MAPK10: variants seen among roughly 807,000 people sequenced by gnomAD.
MAPK10 encodes JNK3 alpha protein kinase.
MAPK10 carries 25 observed loss-of-function variants against 59.3 expected under a neutral mutation model. The observed-to-expected ratio is 0.42, with a 90% CI of 0.31 to 0.59. The LOEUF is 0.59. MAPK10 is among the 20% of genes least tolerant of loss of function. MAPK10 has a pLI of 0.15. For missense variants in MAPK10, 351 were observed against 568.9 expected (o/e 0.62, Z 3.90); for synonymous variants, 190 against 200.5 (o/e 0.95, Z 0.44).
chr4:86,171,926 C>T (rs1181385369), intron 3 of MAPK10, among the ~76,000 whole-genome samples: 1 of 150,846 alleles, frequency 6.6e-6, no homozygotes, highest in Non-Finnish European at 1.5e-5. Flanking sequence ...TATGAACAGA[C>T]ACTTCTCAAA....
chr4:86,402,682 T>C (rs773205518), intron 1 of MAPK10, among the ~76,000 whole-genome samples: 1 of 152,112 alleles, frequency 6.6e-6, no homozygotes, highest in Non-Finnish European at 1.5e-5. Context: ...GATTGAGGTA[T>C]AAGCCTGACC....
At chr4:86,058,881 T>A (rs1039138060) in intron 11 of MAPK10, among the ~76,000 whole-genome samples, 11 of 152,110 alleles carry the variant, frequency 7.2e-5, no homozygotes, top group African/African-American at 2.7e-4. Context: ...GGCTTCTGAT[T>A]CCCTTCTCTC....
At chr4:86,442,450 G>A (rs1419301411) in intron 1 of MAPK10, among the ~76,000 whole-genome samples, 1 of 152,100 alleles carries the variant, frequency 6.6e-6, no homozygotes, top group Non-Finnish European at 1.5e-5. Context: ...TACTCACCAG[G>A]TATTAGTACT....
chr4:86,257,529 A>G (rs1253905325), intron 2 of MAPK10, among the ~76,000 whole-genome samples: 1 of 152,144 alleles, frequency 6.6e-6, no homozygotes, highest in Non-Finnish European at 1.5e-5. Flanking sequence ...TTCAACAATA[A>G]CTTCATACCT....
In MAPK10 at chr4:86,067,885, T is replaced by C. The variant is rs2047049646; in HGVS notation, c.873A>G (p.Gln291=). 1 of 1,613,744 alleles carries C rather than the reference T, an allele frequency of 6.2e-7. No individual in the cohort carries two copies. Among genetic ancestry groups the C allele is most frequent in the Non-Finnish European group, 8.5e-7 (1 of 1,179,758 alleles). ...TPCPEFMKKL[Q]PTVRNYVENR... is the part of the protein sequence containing the mutation. ...TCTCCACATAGTTTCTTACTGTGGG[T>C]TGCAATTTCTTCATGAATTCTGGAC... The change falls in exon 10 of 14, where the codon CAA becomes CAG. Residue 291 remains glutamine, a synonymous_variant. Coordinates refer to ENST00000641462, the MANE Select transcript of MAPK10 (RefSeq NM_138982.4).
intron 1 of MAPK10, among the ~76,000 whole-genome samples, chr4:86,552,647 G>T (rs979099550): frequency 1.3e-5 from 2 of 152,158 alleles, no homozygotes; most frequent in Non-Finnish European, 2.9e-5. Context: ...TGCACATTGT[G>T]TGAGAAGTAC....
chr4:86,248,589 AC>A (rs1321865743), intron 2 of MAPK10, among the ~76,000 whole-genome samples: 4 of 152,216 alleles, frequency 2.6e-5, no homozygotes, highest in African/African-American at 7.2e-5. Context: ...TTTTTATGAT[AC>A]CACAAGGAAG....
At chr4:86,206,111 T>C (rs931576296) in intron 2 of MAPK10, among the ~76,000 whole-genome samples, 1 of 151,954 alleles carries the variant, frequency 6.6e-6, no homozygotes, top group African/African-American at 2.4e-5. Flanking sequence ...TAGTTACATA[T>C]GTATACATGT....
chr4:86,241,718 G>A (rs2092732761), intron 2 of MAPK10, among the ~76,000 whole-genome samples: 2 of 152,138 alleles, frequency 1.3e-5, no homozygotes, highest in Non-Finnish European at 1.5e-5. Context: ...ATTCTAATTA[G>A]CAATTCCTCT....
chr4:86,089,145 G>A, intron 9 of MAPK10: 1 of 1,298,030 alleles, frequency 7.7e-7, no homozygotes, highest in Non-Finnish European at 1.1e-6. Flanking sequence ...CTGCATTTGA[G>A]ACAAAAGGGA....
chr4:86,184,354 A>G lies in MAPK10; in HGVS notation c.66+9982T>C, dbSNP rs373634067. On this transcript the variant is annotated intron_variant, in intron 3 of 13. Coordinates refer to ENST00000641462, the MANE Select transcript of MAPK10 (RefSeq NM_138982.4). ...GGCTAAGGAAATAGCTCACAGTCAT[A>G]CAGCTTGCAAGTGCTAGGGCCCAGA... is the stretch of plus-strand genomic sequence containing the variant. Among the ~76,000 whole-genome samples, 17 of 152,152 alleles carry G rather than the reference A, an allele frequency of 1.1e-4. No individual in the cohort carries two copies. In the East Asian group the frequency reaches 1.2e-3, roughly 10 times the overall value.
intron 11 of MAPK10, among the ~76,000 whole-genome samples, chr4:86,042,023 T>C (rs1438293560): frequency 6.6e-6 from 1 of 152,218 alleles, no homozygotes; most frequent in Non-Finnish European, 1.5e-5. Context: ...ACACATATGT[T>C]TATTGCAGCA....
At chr4:86,045,783 C>A (rs1046798101) in intron 11 of MAPK10, among the ~76,000 whole-genome samples, 3 of 151,662 alleles carry the variant, frequency 2.0e-5, no homozygotes, top group African/African-American at 4.8e-5. Flanking sequence ...TCTCCACCCT[C>A]TCTTGACCCT....
intron 4 of MAPK10, among the ~76,000 whole-genome samples, chr4:86,136,993 A>G (rs1243600043): frequency 4.6e-5 from 7 of 152,144 alleles, no homozygotes; most frequent in Non-Finnish European, 7.3e-5. Context: ...AACTATCCTA[A>G]ATATATATGC....
At chr4:86,052,989 A>ATT (rs537466785) in intron 11 of MAPK10, among the ~76,000 whole-genome samples, 82 of 150,568 alleles carry the variant, frequency 5.4e-4, no homozygotes, top group African/African-American at 1.9e-3. Context: ...CCTGGAGGGT[A>ATT]TTTTTTTTTT....
chr4:86,446,363 A>G (rs1416061377), intron 1 of MAPK10, among the ~76,000 whole-genome samples: 1 of 152,132 alleles, frequency 6.6e-6, no homozygotes, highest in African/African-American at 2.4e-5. Flanking sequence ...TGAGAATTAC[A>G]TTACCTAACA....
At chr4:86,052,617 C>T (rs2148963073) in intron 11 of MAPK10, among the ~76,000 whole-genome samples, 1 of 152,210 alleles carries the variant, frequency 6.6e-6, no homozygotes, top group South Asian at 2.1e-4. Flanking sequence ...AGATCTGGTA[C>T]AGTTTCAGCA....
chr4:86,047,864 AG>A (rs2042800611), intron 11 of MAPK10, among the ~76,000 whole-genome samples: 1 of 152,176 alleles, frequency 6.6e-6, no homozygotes, highest in Non-Finnish European at 1.5e-5. Context: ...ACATTTTAAA[AG>A]GAAAATTCTA....
At position 86,098,658 on chromosome 4, in the gene MAPK10, G is replaced by T; in HGVS notation, c.731-63C>A. ...GAAAGTAAAGTTAACTAAGATAATT[G>T]ACTTCTGAAGGAGGAGGAAAAAGAA... is the stretch of plus-strand genomic sequence containing the variant. On this transcript the variant is annotated intron_variant, in intron 8 of 13. Transcript: ENST00000641462. The T allele has an allele frequency of 2.4e-6, 3 of 1,267,586 alleles. No homozygotes were observed. The South Asian group carries it at 3.6e-5, about 15-fold the overall frequency. 78.5% of individuals were successfully genotyped at this position (1,267,586 alleles called of 1,614,324 possible). A position where few individuals can be genotyped will look rare whatever the true frequency, so the allele number is the denominator to read the frequency against.
Sources: allele counts gnomAD v4.1 joint callset (sites outside exome capture counted in the v4.1 genomes callset), GRCh38; gene constraint gnomAD v4.1.1; transcripts MANE v1.5; gene names NCBI Gene and HGNC (gene_info 2026-07-23, HGNC 2026-07-21).